Variants in SPHKAP observed in about 807,000 individuals in gnomAD.
The protein encoded by SPHKAP is A-kinase anchor protein SPHKAP.
In SPHKAP, 67 loss-of-function variants were observed where a neutral mutation model predicts 137.5. That is an observed-to-expected ratio of 0.49 (90% CI 0.40 to 0.60). The LOEUF is 0.60. Ranked by LOEUF, SPHKAP falls within the 20% of genes least tolerant of loss-of-function variation. The pLI is 0.00. For missense variants in SPHKAP, 2,097 were observed against 2,069.3 expected, an observed-to-expected ratio of 1.01 and a Z score of -0.26; for synonymous variants, 813 against 785.3, an observed-to-expected ratio of 1.04 and a Z score of -0.59.
At chr2:228,069,421 T>C (rs1433706287) in intron 3 of SPHKAP, among the ~76,000 whole-genome samples, 2 of 148,646 alleles carry the variant, frequency 1.3e-5, no homozygotes, top group African/African-American at 5.0e-5. Context: ...TAAATTTCTT[T>C]TTTTTCCTCT....
chr2:228,052,857 C>G (rs1696307334), intron 3 of SPHKAP, among the ~76,000 whole-genome samples: 1 of 151,982 alleles, frequency 6.6e-6, no homozygotes, highest in South Asian at 2.1e-4. Flanking sequence ...ATTTGAGGCC[C>G]CTGAGTGGTG....
At chr2:228,150,749 A>G (rs576366602) in intron 1 of SPHKAP, among the ~76,000 whole-genome samples, 67 of 151,272 alleles carry the variant, frequency 4.4e-4, no homozygotes, top group African/African-American at 1.5e-3. Context: ...TATTCTCCAT[A>G]GTCTATGTTT....
intron 3 of SPHKAP, among the ~76,000 whole-genome samples, chr2:228,066,607 G>A (rs761510350): frequency 2.8e-4 from 42 of 152,136 alleles, no homozygotes; most frequent in Non-Finnish European, 5.1e-4. Context: ...CTGAGCCCCC[G>A]GCTGCGTGGG....
chr2:228,036,223 G>C (rs1362438798), intron 3 of SPHKAP, among the ~76,000 whole-genome samples: 2 of 151,422 alleles, frequency 1.3e-5, no homozygotes, highest in East Asian at 1.9e-4. Context: ...GTGGGCAAAG[G>C]ATATGAACAG....
intron 7 of SPHKAP, among the ~76,000 whole-genome samples, chr2:228,005,669 T>A (rs1694101266): frequency 6.6e-6 from 1 of 152,194 alleles, no homozygotes; most frequent in Non-Finnish European, 1.5e-5. Flanking sequence ...ATTTGGCATG[T>A]TTTTGCAGTG....
Position 228,039,772 on chromosome 2 carries a change from G to A in SPHKAP, c.247-12229C>T, listed in dbSNP as rs372701758. Reference sequence around the variant, plus strand: ...CAGTGCTTTTATATAAGATAAAAATGAGTTTGACTTTTTGAATTAAACACA... The same window carrying A: ...CAGTGCTTTTATATAAGATAAAAATAAGTTTGACTTTTTGAATTAAACACA... On this transcript the variant is annotated intron_variant, in intron 3 of 11. Coordinates refer to ENST00000392056, the MANE Select transcript of SPHKAP (RefSeq NM_001142644.2). 1.8e-3 allele frequency among the ~76,000 whole-genome samples: 275 copies of A among 152,276 alleles called. 3 individuals are homozygous for A. The highest frequency in any genetic ancestry group is 0.013 in the South Asian group (63 of 4,830).
intron 3 of SPHKAP, among the ~76,000 whole-genome samples, chr2:228,037,167 C>G (rs969914198): frequency 2.0e-5 from 3 of 151,996 alleles, no homozygotes; most frequent in African/African-American, 4.8e-5. Flanking sequence ...GTTTTGTACT[C>G]TAAAGACATA....
chr2:228,019,608 G>T lies in SPHKAP; in HGVS notation c.1246C>A (p.Gln416Lys). The change falls in exon 7 of 12, where the codon CAG (glutamine) becomes AAG (lysine). Residue 416 changes from glutamine (Q) to lysine (K), a missense_variant. By Grantham distance (53) the Gln-to-Lys change is moderately conservative. Coordinates refer to ENST00000392056, the MANE Select transcript of SPHKAP (RefSeq NM_001142644.2). ...ACAGAAACACTGACTGCAGATTCCT[G>T]GGGTAATGTGGACTGAGATTGAGAT... Reference protein sequence around the residue: ...RLSQSQSTLPQESAVSVSVGS... With the variant: ...RLSQSQSTLPKESAVSVSVGS... The T allele has an allele frequency of 6.2e-7, 1 of 1,614,110 alleles. No individual in the cohort carries two copies. Among genetic ancestry groups the T allele is most frequent in the Non-Finnish European group, 8.5e-7 (1 of 1,179,984 alleles).
At chr2:228,127,595 G>A (rs115925460) in intron 2 of SPHKAP, among the ~76,000 whole-genome samples, 4,205 of 152,258 alleles carry the variant, frequency 0.028, 75 homozygotes, top group Admixed American at 0.041. Context: ...ATTTGCAGCA[G>A]CCCTTTCCAA....
At chr2:228,145,542 T>C (rs1037279406) in intron 1 of SPHKAP, among the ~76,000 whole-genome samples, 68 of 152,304 alleles carry the variant, frequency 4.5e-4, no homozygotes, top group African/African-American at 1.5e-3. Flanking sequence ...TAGGATTCAA[T>C]GAATGGCTCT....
intron 3 of SPHKAP, among the ~76,000 whole-genome samples, chr2:228,034,299 C>G (rs1028872333): frequency 1.3e-5 from 2 of 152,104 alleles, no homozygotes; most frequent in African/African-American, 2.4e-5. Flanking sequence ...ATAAATTCCT[C>G]GACATATACA....
intron 2 of SPHKAP, among the ~76,000 whole-genome samples, chr2:228,118,454 G>A (rs1698791588): frequency 6.6e-6 from 1 of 151,916 alleles, no homozygotes; most frequent in Non-Finnish European, 1.5e-5. Context: ...GTCCTTTAAA[G>A]TGGGTTTACC....
chr2:227,990,153 G>C (rs1002732456), intron 11 of SPHKAP, among the ~76,000 whole-genome samples: 14 of 152,118 alleles, frequency 9.2e-5, no homozygotes, highest in Non-Finnish European at 2.1e-4. Context: ...CTCTTCCCCG[G>C]AACTTTTGGA....
intron 11 of SPHKAP, 195 bp from the exon 12 acceptor site, chr2:227,982,055 T>C (rs1471892931): frequency 1.7e-5 from 12 of 711,466 alleles, no homozygotes; most frequent in African/African-American, 3.2e-5. Context: ...AAGTGAATTT[T>C]TTTTTTTTTT....
intron 1 of SPHKAP, among the ~76,000 whole-genome samples, chr2:228,151,818 G>T (rs1699941861): frequency 6.6e-6 from 1 of 151,914 alleles, no homozygotes; most frequent in Non-Finnish European, 1.5e-5. Context: ...GAGGATAGGT[G>T]CTTATTATAT....
At chr2:228,093,278 C>A (rs1184461524) in intron 3 of SPHKAP, among the ~76,000 whole-genome samples, 1 of 152,162 alleles carries the variant, frequency 6.6e-6, no homozygotes, top group Non-Finnish European at 1.5e-5. Context: ...AATTCTACTT[C>A]TTGGTTTATA....
chr2:228,097,572 G>A (rs1055530486), intron 3 of SPHKAP, among the ~76,000 whole-genome samples: 1 of 152,024 alleles, frequency 6.6e-6, no homozygotes, highest in Non-Finnish European at 1.5e-5. Flanking sequence ...TAAATTGTGT[G>A]TCATTAAGAT....
At chr2:228,129,327 C>T (rs933582152) in intron 2 of SPHKAP, among the ~76,000 whole-genome samples, 1 of 152,148 alleles carries the variant, frequency 6.6e-6, no homozygotes, top group East Asian at 1.9e-4. Context: ...GCATTATCTG[C>T]TAAGTCCAAT....
chr2:228,142,131 A>T (rs1361838846), intron 1 of SPHKAP, among the ~76,000 whole-genome samples: 1 of 152,292 alleles, frequency 6.6e-6, no homozygotes, highest in East Asian at 1.9e-4. Context: ...AGTTAAAGGC[A>T]GTCATATGAA....
Sources: gnomAD v4.1 joint callset for allele counts (sites outside exome capture counted in the v4.1 genomes callset) on GRCh38, gnomAD v4.1.1 for gene constraint, MANE v1.5 for transcripts, NCBI Gene and HGNC (gene_info 2026-07-23, HGNC 2026-07-21) for gene names.